The following PLA2G4C variants were observed in gnomAD, a reference collection of about 807,000 sequenced individuals.
PLA2G4C encodes cytosolic phospholipase A2 gamma.
PLA2G4C carries 64 observed loss-of-function variants against 73.8 expected under a neutral mutation model. The ratio of observed to expected loss-of-function variants is 0.87; its 90% CI spans 0.71 to 1.07. The LOEUF (loss-of-function observed/expected upper bound fraction) is 1.07, where lower values mean the gene tolerates loss of function less well. Among genes scored for constraint, PLA2G4C ranks in the 50% least tolerant of loss-of-function variants. The probability of loss-of-function intolerance (pLI) is 0.00; values close to 1 mark genes in which losing one functional copy is unlikely to be tolerated. For synonymous variants in PLA2G4C, 254 were observed against 252.1 expected, an observed-to-expected ratio of 1.01 and a Z score of -0.07; for missense variants, 622 against 665.4, an observed-to-expected ratio of 0.93 and a Z score of 0.72.
At position 48,110,382 on chromosome 19, in the gene PLA2G4C, T is replaced by C. The variant is rs150792442; in HGVS notation, c.-33+105A>G. ...AATAAATAAATAAAATAAAATAAAA[T>C]AAAAAAGAAAAAGAAATCCTGTTAT... On this transcript the variant is annotated intron_variant, in intron 1 of 16. Coordinates refer to ENST00000599921, the MANE Select transcript of PLA2G4C (RefSeq NM_003706.3). The C allele has an allele frequency of 9.5e-4, 663 of 696,772 alleles. 9 individuals are homozygous for C. The African/African-American group carries it at 0.011, about 11-fold the overall frequency. 43.2% of individuals were successfully genotyped at this position (696,772 alleles called of 1,614,324 possible). A position where few individuals can be genotyped will look rare whatever the true frequency, so the allele number is the denominator to read the frequency against.
intron 11 of PLA2G4C, among the ~76,000 whole-genome samples, chr19:48,075,418 C>T (rs2030084109): frequency 6.6e-6 from 1 of 151,764 alleles, no homozygotes; most frequent in South Asian, 2.1e-4. Context: ...AACTCCTGAC[C>T]TCAAGTGATC....
At chr19:48,110,466 C>T (rs749887976) in intron 1 of PLA2G4C, 21 bp downstream of exon 1, 92 of 1,465,530 alleles carry the variant, frequency 6.3e-5, no homozygotes, top group Non-Finnish European at 8.0e-5. Flanking sequence ...TGAAACAGCC[C>T]TCCCTGCCCC....
intron 9 of PLA2G4C, among the ~76,000 whole-genome samples, chr19:48,087,097 C>T (rs2031022252): frequency 6.6e-6 from 1 of 152,212 alleles, no homozygotes; most frequent in Non-Finnish European, 1.5e-5. Flanking sequence ...TCAGTGACTC[C>T]TATCCTAGGG....
chr19:48,068,728 A>T (rs1968542986), intron 12 of PLA2G4C, among the ~76,000 whole-genome samples: 1 of 145,530 alleles, frequency 6.9e-6, no homozygotes. Context: ...GAGACCTTGT[A>T]TCTAAAAAAA....
Position 48,058,020 on chromosome 19 carries a change from C to T in PLA2G4C, c.1258-2971G>A, listed in dbSNP as rs543322484. Among the ~76,000 whole-genome samples, 27 of 147,754 alleles carry T rather than the reference C, an allele frequency of 1.8e-4. No individual in the cohort carries two copies. The East Asian group carries it at 3.2e-3, about 18-fold the overall frequency. On this transcript the variant is annotated intron_variant, in intron 14 of 16. Transcript: ENST00000599921. ...GCTAATCAAAAAAAATTTTTTTGGCCGGGTGTGGTGGCTCACGCCTGTAAT... is the reference window on the plus strand; with the variant it reads ...GCTAATCAAAAAAAATTTTTTTGGCTGGGTGTGGTGGCTCACGCCTGTAAT...
intron 1 of PLA2G4C, among the ~76,000 whole-genome samples, chr19:48,108,037 G>A (rs1047822063): frequency 1.3e-5 from 2 of 152,028 alleles, no homozygotes; most frequent in Admixed American, 6.6e-5. Flanking sequence ...CAGGCATTTG[G>A]GGCCACTATC....
intron 3 of PLA2G4C, 23 bp from the exon 4 acceptor site, chr19:48,104,747 A>C: frequency 6.2e-7 from 1 of 1,613,030 alleles, no homozygotes; most frequent in Non-Finnish European, 8.5e-7. Flanking sequence ...GAGAAAATCG[A>C]TCAGAGGTTT....
At chr19:48,110,271 C>A (rs924495636) in intron 1 of PLA2G4C, among the ~76,000 whole-genome samples, 5 of 151,456 alleles carry the variant, frequency 3.3e-5, no homozygotes, top group African/African-American at 9.7e-5. Context: ...GCTTGAACCC[C>A]GGAGGCGGAG....
chr19:48,082,010 T>A (rs1364495176), intron 10 of PLA2G4C, among the ~76,000 whole-genome samples: 1 of 149,288 alleles, frequency 6.7e-6, no homozygotes, highest in Non-Finnish European at 1.5e-5. Context: ...GAACCCAGGA[T>A]ACAGAGGTTG....
At chr19:48,052,488 C>T (rs1967764361) in intron 16 of PLA2G4C, among the ~76,000 whole-genome samples, 1 of 152,102 alleles carries the variant, frequency 6.6e-6, no homozygotes, top group African/African-American at 2.4e-5. Flanking sequence ...TCACCTTCCA[C>T]CATGATTGTA....
At chr19:48,109,213 T>C (rs1016581153) in intron 1 of PLA2G4C, among the ~76,000 whole-genome samples, 1 of 141,756 alleles carries the variant, frequency 7.1e-6, no homozygotes, top group African/African-American at 2.6e-5. Flanking sequence ...CAAATTCATA[T>C]GTTGGACTTG....
At chr19:48,056,634 C>T (rs908922170) in intron 14 of PLA2G4C, among the ~76,000 whole-genome samples, 1 of 151,500 alleles carries the variant, frequency 6.6e-6, no homozygotes, top group African/African-American at 2.4e-5. Flanking sequence ...AGATCGAGAC[C>T]ATCCTGGCTA....
chr19:48,086,503 C>T (rs1351012258), intron 9 of PLA2G4C, among the ~76,000 whole-genome samples: 3 of 152,148 alleles, frequency 2.0e-5, no homozygotes, highest in Non-Finnish European at 4.4e-5. Context: ...ACTGCCTGAC[C>T]CAGCCCACAC....
chr19:48,067,398 C>T (rs1409819729), intron 13 of PLA2G4C, among the ~76,000 whole-genome samples: 1 of 152,052 alleles, frequency 6.6e-6, no homozygotes, highest in African/African-American at 2.4e-5. Flanking sequence ...GAACTCCTGA[C>T]CTCAAGTGAT....
At chr19:48,091,537 G>A (rs1240817522) in intron 7 of PLA2G4C, among the ~76,000 whole-genome samples, 1 of 152,094 alleles carries the variant, frequency 6.6e-6, no homozygotes, top group Middle Eastern at 3.2e-3. Context: ...TCGGGGCACT[G>A]TGGTTGGTTA....
At chr19:48,083,913 G>A (rs1027276515) in intron 10 of PLA2G4C, among the ~76,000 whole-genome samples, 12 of 152,086 alleles carry the variant, frequency 7.9e-5, no homozygotes, top group Non-Finnish European at 1.2e-4. Context: ...TCACCAACCA[G>A]TTACATAGGT....
intron 5 of PLA2G4C, among the ~76,000 whole-genome samples, chr19:48,098,501 T>A (rs1447264529): frequency 6.6e-6 from 1 of 151,466 alleles, no homozygotes; most frequent in Non-Finnish European, 1.5e-5. Context: ...AATTTATTTT[T>A]TGATAGAGAC....
intron 10 of PLA2G4C, among the ~76,000 whole-genome samples, chr19:48,082,718 C>T (rs986114153): frequency 6.0e-5 from 9 of 151,092 alleles, no homozygotes; most frequent in African/African-American, 1.5e-4. Flanking sequence ...GGGCTGGTCT[C>T]GGACTCCTGA....
intron 1 of PLA2G4C, 72 bp downstream of exon 1, chr19:48,110,415 C>T: frequency 1.0e-6 from 1 of 995,454 alleles, no homozygotes; most frequent in Non-Finnish European, 1.5e-6. Context: ...TATTTAATTG[C>T]ACCCAATCCC....
Sources: allele counts gnomAD v4.1 joint callset (sites outside exome capture counted in the v4.1 genomes callset), GRCh38; gene constraint gnomAD v4.1.1; transcripts MANE v1.5; gene names NCBI Gene and HGNC (gene_info 2026-07-23, HGNC 2026-07-21).